Variants in SHROOM4 observed in about 807,000 individuals in gnomAD.
The protein encoded by SHROOM4 is shroom family member 4, also known as protein Shroom4.
Under a neutral mutation model 80.3 loss-of-function variants are expected in SHROOM4, and 17 were observed. The observed-to-expected ratio is 0.21, with a 90% CI of 0.14 to 0.32. The LOEUF is 0.32. SHROOM4 is among the 10% of genes least tolerant of loss of function. SHROOM4 has a pLI of 1.00. For synonymous variants in SHROOM4, 400 were observed against 437.5 expected (o/e 0.91, Z 1.07); for missense variants, 993 against 1,140.3 (o/e 0.87, Z 1.86).
chrX:50,799,617 CCAGA>C (rs1289250129), intron 1 of SHROOM4, among the ~76,000 whole-genome samples: 4 of 111,989 alleles, frequency 3.6e-5, no homozygotes, highest in African/African-American at 1.3e-4. Flanking sequence ...GGTATAAATA[CCAGA>C]CAGTGACTCA....
Position 50,779,832 on chromosome X carries a change from G to A in SHROOM4, c.117+34070C>T, listed in dbSNP as rs1268477227. Among the ~76,000 whole-genome samples, 6 of 111,704 alleles carry A rather than the reference G, an allele frequency of 5.4e-5. No homozygotes were observed. In the East Asian group the frequency reaches 1.7e-3, roughly 32 times the overall value. ...AGAGGGGGATAATGCTTGGGATTAG[G>A]GCCAGAGCTAGGAAAATAGTCCTCT... is the stretch of plus-strand genomic sequence containing the variant. On this transcript the variant is annotated intron_variant, in intron 1 of 8. Coordinates refer to ENST00000376020, the MANE Select transcript of SHROOM4 (RefSeq NM_020717.5).
At position 50,594,998 on chromosome X, in the gene SHROOM4, A is replaced by C. The variant is rs1208081411; in HGVS notation, c.*1697T>G. ...GAAGCTAGTGACAAGTATTTGTAAC[A>C]GCAGCAAAAGTTCCTTGGCAAATTC... is the stretch of plus-strand genomic sequence containing the variant. On this transcript the variant is annotated 3_prime_UTR_variant, in exon 9 of 9. Coordinates refer to ENST00000376020, the MANE Select transcript of SHROOM4 (RefSeq NM_020717.5). The C allele has an allele frequency of 8.9e-6, 1 of 112,726 alleles. No individual in the cohort carries two copies. The highest frequency in any genetic ancestry group is 2.8e-4 in the East Asian group (1 of 3,596). 9.3% of individuals were successfully genotyped at this position (112,726 alleles called of 1,213,427 possible).
intron 1 of SHROOM4, among the ~76,000 whole-genome samples, chrX:50,772,693 A>T (rs7054248): frequency 0.11 from 12,741 of 111,860 alleles, 1,395 homozygotes; most frequent in African/African-American, 0.35. Flanking sequence ...GACCAAAATC[A>T]GCAATAGCTC....
At chrX:50,610,368 A>T (rs1302103184) in intron 5 of SHROOM4, among the ~76,000 whole-genome samples, 2 of 110,007 alleles carry the variant, frequency 1.8e-5, no homozygotes, top group Non-Finnish European at 1.9e-5. Context: ...ACACACACAC[A>T]CACACACACA....
intron 5 of SHROOM4, among the ~76,000 whole-genome samples, chrX:50,609,439 T>C (rs1929848864): frequency 9.0e-6 from 1 of 111,072 alleles, no homozygotes; most frequent in African/African-American, 3.3e-5. Context: ...AAGTATATTA[T>C]AAAATAATTG....
intron 2 of SHROOM4, among the ~76,000 whole-genome samples, chrX:50,673,701 T>C (rs1932822582): frequency 9.1e-6 from 1 of 110,472 alleles, no homozygotes; most frequent in Non-Finnish European, 1.9e-5. Context: ...ACAAAAAATA[T>C]ACTATGTAGA....
chrX:50,703,102 T>G (rs924908472), intron 1 of SHROOM4, among the ~76,000 whole-genome samples: 23 of 111,637 alleles, frequency 2.1e-4, no homozygotes, highest in African/African-American at 7.2e-4. Context: ...TGCTTTGAGA[T>G]AGTATTCATC....
chrX:50,729,027 T>C (rs1174820816), intron 1 of SHROOM4, among the ~76,000 whole-genome samples: 1 of 110,365 alleles, frequency 9.1e-6, no homozygotes, highest in African/African-American at 3.3e-5. Context: ...GGGTGGGAGA[T>C]GGTCATTACT....
intron 2 of SHROOM4, among the ~76,000 whole-genome samples, chrX:50,644,670 T>C (rs782055419): frequency 6.4e-4 from 72 of 112,799 alleles, no homozygotes; most frequent in African/African-American, 2.2e-3. Flanking sequence ...CCTTAGGACA[T>C]GAAGTATGTA....
intron 1 of SHROOM4, among the ~76,000 whole-genome samples, chrX:50,706,183 C>T (rs1234261761): frequency 8.9e-6 from 1 of 111,978 alleles, no homozygotes; most frequent in Admixed American, 9.5e-5. Context: ...TCAGATCTTG[C>T]CTCCTCAGAG....
intron 1 of SHROOM4, among the ~76,000 whole-genome samples, chrX:50,805,792 A>G (rs1316796617): frequency 8.9e-6 from 1 of 112,013 alleles, no homozygotes; most frequent in African/African-American, 3.2e-5. Context: ...ATAAAAGAAT[A>G]TAAGAACAGA....
intron 1 of SHROOM4, among the ~76,000 whole-genome samples, chrX:50,796,289 C>T (rs909598394): frequency 8.9e-6 from 1 of 111,978 alleles, no homozygotes; most frequent in Admixed American, 9.5e-5. Context: ...GCTTGGATGG[C>T]CTGCCTCTAA....
intron 1 of SHROOM4, among the ~76,000 whole-genome samples, chrX:50,704,677 A>G (rs1468901061): frequency 8.9e-5 from 10 of 112,051 alleles, no homozygotes; most frequent in African/African-American, 2.6e-4. Context: ...GGTAGGGACA[A>G]AAGGCTGCCT....
chrX:50,803,999 C>T (rs1020967900), intron 1 of SHROOM4, among the ~76,000 whole-genome samples: 9 of 111,774 alleles, frequency 8.1e-5, no homozygotes, highest in African/African-American at 2.6e-4. Context: ...AGACATTACA[C>T]GAAAGCTGCC....
At chrX:50,675,019 C>G (rs1354340798) in intron 2 of SHROOM4, among the ~76,000 whole-genome samples, 3 of 111,831 alleles carry the variant, frequency 2.7e-5, no homozygotes, top group African/African-American at 9.7e-5. Context: ...GGACACTATT[C>G]TAAGCAAAGA....
At chrX:50,627,776 C>A in intron 4 of SHROOM4, 101 bp from the exon 5 acceptor site, 1 of 680,945 alleles carries the variant, frequency 1.5e-6, no homozygotes, top group South Asian at 2.3e-5. Context: ...CTGGCCCAGC[C>A]CCCCAGCTTG....
chrX:50,743,782 T>C lies in SHROOM4; in HGVS notation c.118-47845A>G, dbSNP rs371558195. Among the ~76,000 whole-genome samples, 9 of 112,120 alleles carry C rather than the reference T, an allele frequency of 8.0e-5. No homozygotes were observed. The South Asian group carries it at 3.0e-3, about 37-fold the overall frequency. ...TGCCTGAAATATTTCTTTCCGTTTT[T>C]CTCATAAGGCAGGTGCTAGCAACAC... On this transcript the variant is annotated intron_variant, in intron 1 of 8. Transcript: ENST00000376020.
At chrX:50,764,504 G>A (rs1935230173) in intron 1 of SHROOM4, among the ~76,000 whole-genome samples, 1 of 111,435 alleles carries the variant, frequency 9.0e-6, no homozygotes, top group African/African-American at 3.3e-5. Context: ...CCTGCCCAAA[G>A]TATAGCTTCC....
Position 50,611,142 on chromosome X carries a change from TTC to T in SHROOM4, c.2958-2960_2958-2959del, listed in dbSNP as rs1557249770. Among the ~76,000 whole-genome samples, 5 of 90,391 alleles carry T rather than the reference TTC, an allele frequency of 5.5e-5. 1 individual carries two copies. The highest frequency in any genetic ancestry group is 1.1e-4 in the Non-Finnish European group (5 of 46,363). 78.5% of individuals were successfully genotyped at this position (90,391 alleles called of 115,157 possible). A position where few individuals can be genotyped will look rare whatever the true frequency, so the allele number is the denominator to read the frequency against. On this transcript the variant is annotated intron_variant, in intron 5 of 8. Transcript: ENST00000376020. ...GTAGTACAGACCATATTTTCTTTTT[TTC>T]TTTTTTTTTTTTTTTTTTTTTTGAG...
Sources: gnomAD v4.1 joint callset for allele counts (sites outside exome capture counted in the v4.1 genomes callset) on GRCh38, gnomAD v4.1.1 for gene constraint, MANE v1.5 for transcripts, NCBI Gene and HGNC (gene_info 2026-07-23, HGNC 2026-07-21) for gene names.